IL15RA: variants seen among roughly 807,000 people sequenced by gnomAD.
The protein encoded by IL15RA is interleukin-15 receptor subunit alpha.
IL15RA carries 26 observed loss-of-function variants against 24.2 expected under a neutral mutation model. That is an observed-to-expected ratio of 1.07 (90% CI 0.79 to 1.49). The LOEUF (loss-of-function observed/expected upper bound fraction) is 1.49. Among genes scored for constraint, IL15RA ranks in the 40% most tolerant of loss-of-function variants. The pLI, the probability that IL15RA is intolerant of heterozygous loss-of-function variation, is 0.00. For missense variants in IL15RA, 354 were observed against 356.4 expected, an observed-to-expected ratio of 0.99 and a Z score of 0.05; for synonymous variants, 166 against 157.6, an observed-to-expected ratio of 1.05 and a Z score of -0.40.
In IL15RA at chr10:5,962,079, T is replaced by C. The variant is rs1371619769; in HGVS notation, c.383-1512A>G. On this transcript the variant is annotated intron_variant, in intron 3 of 6. Transcript: ENST00000379977. This position sits in a 1 kb window ranked among gnomAD's most constrained non-coding sequence, Gnocchi z 5.2. ...CGACAATGGCCATCGGACCAGGTAT[T>C]GGGGATGCGAAGGTGGGGCTGGGAG... Among the ~76,000 whole-genome samples, 1 of 152,190 alleles carries C rather than the reference T, an allele frequency of 6.6e-6. No homozygotes were observed. The highest frequency in any genetic ancestry group is 2.4e-5 in the African/African-American group (1 of 41,434).
At chr10:5,956,642 C>T (rs1357361279) in intron 5 of IL15RA, among the ~76,000 whole-genome samples, 188 bp from the exon 6 acceptor site, 1 of 152,232 alleles carries the variant, frequency 6.6e-6, no homozygotes, top group Non-Finnish European at 1.5e-5. Flanking sequence ...ATTCTCTTTC[C>T]TGCTGAGGGT....
In IL15RA at chr10:5,955,907, C is replaced by T. The variant is rs41294145; in HGVS notation, c.692+472G>A. On this transcript the variant is annotated intron_variant, in intron 6 of 6. Coordinates refer to ENST00000379977, the MANE Select transcript of IL15RA (RefSeq NM_002189.4). This position sits in a 1 kb window ranked among gnomAD's most constrained non-coding sequence, Gnocchi z 5.3. Reference sequence around the variant, plus strand: ...GGCTTGGGCCTAGCTCACTGCTCCTCGGCTCTGGCACTCATTGGCTCCTAG... The same window carrying T: ...GGCTTGGGCCTAGCTCACTGCTCCTTGGCTCTGGCACTCATTGGCTCCTAG... 2.6e-3 allele frequency among the ~76,000 whole-genome samples: 389 copies of T among 152,280 alleles called. 1 individual carries two copies. The highest frequency in any genetic ancestry group is 5.6e-3 in the Admixed American group (86 of 15,302).
At chr10:5,954,168 C>CTTTTT (rs750550552) in intron 6 of IL15RA, among the ~76,000 whole-genome samples, 4 of 105,240 alleles carry the variant, frequency 3.8e-5, no homozygotes, top group Non-Finnish European at 7.6e-5. Context: ...ACCAATTCTT[C>CTTTTT]TTTTTTTTTT....
intron 1 of IL15RA, among the ~76,000 whole-genome samples, chr10:5,974,848 G>A (rs570233495): frequency 6.6e-6 from 1 of 151,988 alleles, no homozygotes; most frequent in East Asian, 1.9e-4. Flanking sequence ...CTGCACTTCA[G>A]TCTGGGCAAC....
At chr10:5,978,702 C>T (rs760852086), upstream of IL15RA, among the ~76,000 whole-genome samples, 127 of 152,136 alleles carry the variant, frequency 8.3e-4, no homozygotes, top group Non-Finnish European at 2.6e-4. This position sits in a 1 kb window ranked among gnomAD's most constrained non-coding sequence, Gnocchi z 5.2. Context: ...TCGAGACTAG[C>T]CTGGCCAACA....
rs771738909 is a variant in IL15RA at position 5,960,576 on chromosome 10, G to A, written c.383-9C>T. On this transcript the variant is annotated splice_polypyrimidine_tract_variant and intron_variant, in intron 3 of 6. Coordinates refer to ENST00000379977, the MANE Select transcript of IL15RA (RefSeq NM_002189.4). This position sits in a 1 kb window ranked among gnomAD's most constrained non-coding sequence, Gnocchi z 5.1. Reference sequence around the variant, plus strand: ...AGATGAAGCTGCGGGCTCTGTAGGAGAGTCCAAGGCAGGGACAACATCAGT... The same window carrying A: ...AGATGAAGCTGCGGGCTCTGTAGGAAAGTCCAAGGCAGGGACAACATCAGT... 1.2e-6 allele frequency: 2 copies of A among 1,613,170 alleles called. No homozygotes were observed. Among genetic ancestry groups the A allele is most frequent in the South Asian group, 2.2e-5 (2 of 90,980 alleles).
chr10:5,953,268 C>T lies in IL15RA; in HGVS notation c.693-62G>A, dbSNP rs758478295. 4.0e-5 allele frequency: 48 copies of T among 1,187,846 alleles called. 1 individual carries two copies. Among genetic ancestry groups the T allele is most frequent in the Non-Finnish European group, 5.0e-5 (40 of 792,882 alleles). 73.6% of individuals were successfully genotyped at this position (1,187,846 alleles called of 1,614,324 possible). Reference sequence around the variant, plus strand: ...AGGGGGTTGCCCTCAAATCAACAGACGCTTCCCACTGAGCATGTATGTCCA... The same window carrying T: ...AGGGGGTTGCCCTCAAATCAACAGATGCTTCCCACTGAGCATGTATGTCCA... On this transcript the variant is annotated intron_variant, in intron 6 of 6. Coordinates refer to ENST00000379977, the MANE Select transcript of IL15RA (RefSeq NM_002189.4). This position sits in a 1 kb window ranked among gnomAD's most constrained non-coding sequence, Gnocchi z 5.3.
downstream of IL15RA, among the ~76,000 whole-genome samples, chr10:5,951,916 T>A (rs1311347658): frequency 6.6e-6 from 1 of 152,112 alleles, no homozygotes; most frequent in African/African-American, 2.4e-5. Context: ...TGCCTCGGCC[T>A]CCTGAAGTGC....
downstream of IL15RA, among the ~76,000 whole-genome samples, chr10:5,951,683 C>T (rs954356441): frequency 3.3e-5 from 5 of 152,260 alleles, 1 homozygote; most frequent in East Asian, 9.7e-4. Flanking sequence ...TAAATATTAG[C>T]AGGGTGTGGC....
chr10:5,977,629 C>T (rs915845573), upstream of IL15RA: 45 of 1,262,580 alleles, frequency 3.6e-5, no homozygotes, highest in Middle Eastern at 2.1e-4. Context: ...CCCCCGAGGG[C>T]TCGGAGAGGT....
downstream of IL15RA, among the ~76,000 whole-genome samples, chr10:5,951,375 T>A (rs935389306): frequency 2.0e-5 from 3 of 152,120 alleles, no homozygotes; most frequent in Admixed American, 6.5e-5. Context: ...GAATGTCTGA[T>A]GACATGTGGA....
In IL15RA at chr10:5,962,870, C is replaced by T. The variant is rs572953928; in HGVS notation, c.382+873G>A. Among the ~76,000 whole-genome samples, 8 of 152,228 alleles carry T rather than the reference C, an allele frequency of 5.3e-5. No individual in the cohort carries two copies. The highest frequency in any genetic ancestry group is 1.9e-4 in the East Asian group (1 of 5,180). The stretch of plus-strand genomic sequence containing the variant: ...CACAAAGGTATCATAGCATGCAGGG[C>T]GGAGGATCCCAAGAAAGCATCCAAG... On this transcript the variant is annotated intron_variant, in intron 3 of 6. Coordinates refer to ENST00000379977, the MANE Select transcript of IL15RA (RefSeq NM_002189.4). This position sits in a 1 kb window ranked among gnomAD's most constrained non-coding sequence, Gnocchi z 5.2.
chr10:5,968,778 G>A lies in IL15RA; in HGVS notation c.89-2439C>T. The A allele has an allele frequency of 1.4e-6, 1 of 704,896 alleles. No individual in the cohort carries two copies. Among genetic ancestry groups the A allele is most frequent in the African/African-American group, 1.7e-5 (1 of 57,376 alleles). The allele number at this position is 704,896 out of a possible 1,614,324, so 43.7% of individuals were successfully genotyped here. ...TCCATGATAGATGGCTGTGCTACCT[G>A]CTTGCTGCCTGCTTGTCCGATGGTG... On this transcript the variant is annotated intron_variant, in intron 1 of 6. Coordinates refer to ENST00000379977, the MANE Select transcript of IL15RA (RefSeq NM_002189.4). The surrounding 1 kb of genome is among the most constrained non-coding windows in gnomAD (Gnocchi z 5.4).
At chr10:5,954,467 T>TG (rs1564483637) in intron 6 of IL15RA, among the ~76,000 whole-genome samples, 1 of 151,900 alleles carries the variant, frequency 6.6e-6, no homozygotes, top group African/African-American at 2.4e-5. Flanking sequence ...ATTAGATTTT[T>TG]TGTGTGTGGG....
rs946659327 is a variant in IL15RA, at chr10:5,973,413, T to G, written c.88+3992A>C. ...GCTTTTTAATGTTATTTCAAATGAC[T>G]TTTTAAAGTTTTTTAATTTCTAATT... On this transcript the variant is annotated intron_variant, in intron 1 of 6. Transcript: ENST00000379977. The surrounding 1 kb of genome is among the most constrained non-coding windows in gnomAD (Gnocchi z 4.5). Among the ~76,000 whole-genome samples, 1 of 152,220 alleles carries G rather than the reference T, an allele frequency of 6.6e-6. No homozygotes were observed. Among genetic ancestry groups the G allele is most frequent in the African/African-American group, 2.4e-5 (1 of 41,460 alleles).
chr10:5,951,172 A>AAT, downstream of IL15RA, among the ~76,000 whole-genome samples: 1 of 133,802 alleles, frequency 7.5e-6, no homozygotes, highest in Non-Finnish European at 1.6e-5. Flanking sequence ...AAAAAAAAAA[A>AAT]ATATTAGCCA....
At position 5,958,871 on chromosome 10, in the gene IL15RA, T is replaced by G. The variant is rs1245321251; in HGVS notation, c.616+883A>C. Among the ~76,000 whole-genome samples, 2 of 152,154 alleles carry G rather than the reference T, an allele frequency of 1.3e-5. No individual in the cohort carries two copies. The highest frequency in any genetic ancestry group is 1.3e-4 in the Admixed American group (2 of 15,266). On this transcript the variant is annotated intron_variant, in intron 5 of 6. Coordinates refer to ENST00000379977, the MANE Select transcript of IL15RA (RefSeq NM_002189.4). This position sits in a 1 kb window ranked among gnomAD's most constrained non-coding sequence, Gnocchi z 4.3. Reference sequence around the variant, plus strand: ...TGTCCATATCAAATTACAGTTGGGTTTTTTGTTACTTTGGAAGCTTGTCAG... The same window carrying G: ...TGTCCATATCAAATTACAGTTGGGTGTTTTGTTACTTTGGAAGCTTGTCAG...
At position 5,971,560 on chromosome 10, in the gene IL15RA, C is replaced by T. The variant is rs1308254458; in HGVS notation, c.89-5221G>A. Among the ~76,000 whole-genome samples the T allele has an allele frequency of 1.3e-5, 2 of 152,320 alleles. No individual in the cohort carries two copies. The highest frequency in any genetic ancestry group is 4.1e-4 in the South Asian group (2 of 4,828). On this transcript the variant is annotated intron_variant, in intron 1 of 6. Transcript: ENST00000379977. This position sits in a 1 kb window ranked among gnomAD's most constrained non-coding sequence, Gnocchi z 5.5. ...CAGAGTCAGAATGGACTCCAACATT[C>T]CCCTCGCTTACAGCACCTTTCAAAT...
At position 5,964,003 on chromosome 10, in the gene IL15RA, C is replaced by A. The variant is rs545809769; in HGVS notation, c.284-162G>T. On this transcript the variant is annotated intron_variant, in intron 2 of 6. Transcript: ENST00000379977. The surrounding 1 kb of genome is among the most constrained non-coding windows in gnomAD (Gnocchi z 5.6). ...GCATAAGAAACAATGTTTCCCCACC[C>A]GAATGCAAAGATAGACTGCAAACTA... Among the ~76,000 whole-genome samples, 1 of 152,152 alleles carries A rather than the reference C, an allele frequency of 6.6e-6. No individual in the cohort carries two copies. The highest frequency in any genetic ancestry group is 1.5e-5 in the Non-Finnish European group (1 of 68,042).
Sources: gnomAD v4.1 joint callset for allele counts (sites outside exome capture counted in the v4.1 genomes callset) on GRCh38, gnomAD v4.1.1 for gene constraint, Gnocchi (gnomAD v3.1) non-coding constraint, MANE v1.5 for transcripts, NCBI Gene and HGNC (gene_info 2026-07-23, HGNC 2026-07-21) for gene names.